Variants in CEP128 observed in about 807,000 individuals in gnomAD.
CEP128 encodes centrosomal protein 128kDa.
A neutral mutation model predicts 156.7 loss-of-function variants in CEP128; 132 were observed. The observed-to-expected ratio is 0.84, with a 90% CI of 0.73 to 0.97. CEP128 has a LOEUF of 0.97. Among genes scored for constraint, CEP128 ranks in the 50% least tolerant of loss-of-function variants. The probability of loss-of-function intolerance (pLI) is 0.00; values close to 1 mark genes in which losing one functional copy is unlikely to be tolerated. For missense variants in CEP128, 1,252 were observed against 1,281.9 expected (o/e 0.98, Z 0.36); for synonymous variants, 469 against 448.9 (o/e 1.04, Z -0.57).
intron 18 of CEP128, among the ~76,000 whole-genome samples, chr14:80,747,296 C>T (rs1899150812): frequency 6.6e-6 from 1 of 152,158 alleles, no homozygotes; most frequent in African/African-American, 2.4e-5. Flanking sequence ...TTACTCATAG[C>T]AGCATTATAA....
At chr14:80,663,116 C>T (rs1012298303) in intron 19 of CEP128, among the ~76,000 whole-genome samples, 5 of 152,146 alleles carry the variant, frequency 3.3e-5, no homozygotes, top group African/African-American at 7.2e-5. Context: ...TCACCATGCT[C>T]CTTGCAGTCT....
intron 13 of CEP128, among the ~76,000 whole-genome samples, chr14:80,798,304 A>G (rs1472564982): frequency 6.6e-6 from 1 of 152,214 alleles, no homozygotes; most frequent in Non-Finnish European, 1.5e-5. Context: ...TTACAGTCAT[A>G]ATTATGTTAA....
At chr14:80,501,145 A>C (rs1194341355) in intron 24 of CEP128, among the ~76,000 whole-genome samples, 1 of 152,172 alleles carries the variant, frequency 6.6e-6, no homozygotes, top group Non-Finnish European at 1.5e-5. Context: ...GCAGAATTGA[A>C]AAACATGAGT....
chr14:80,676,727 T>G (rs1001404704), intron 19 of CEP128, among the ~76,000 whole-genome samples: 1 of 152,188 alleles, frequency 6.6e-6, no homozygotes, highest in Admixed American at 6.5e-5. Context: ...ATTAAGATTT[T>G]TTGTAACACG....
chr14:80,498,592 A>G (rs1212909806), intron 24 of CEP128, among the ~76,000 whole-genome samples: 1 of 151,840 alleles, frequency 6.6e-6, no homozygotes, highest in Non-Finnish European at 1.5e-5. Flanking sequence ...TCCAATTTCA[A>G]CTCAGCTGCT....
At chr14:80,948,353 C>A (rs777126952) in intron 2 of CEP128, among the ~76,000 whole-genome samples, 3 of 152,224 alleles carry the variant, frequency 2.0e-5, no homozygotes, top group Non-Finnish European at 4.4e-5. Flanking sequence ...CCATGAAGTT[C>A]TTTTCAGCCA....
At chr14:80,730,684 C>T (rs1180104086) in intron 19 of CEP128, among the ~76,000 whole-genome samples, 2 of 152,254 alleles carry the variant, frequency 1.3e-5, no homozygotes, top group African/African-American at 2.4e-5. Context: ...ACTACAAAGA[C>T]TAATTTGTGC....
At chr14:80,805,198 T>C (rs549249036) in intron 13 of CEP128, among the ~76,000 whole-genome samples, 1 of 151,840 alleles carries the variant, frequency 6.6e-6, no homozygotes, top group African/African-American at 2.4e-5. Flanking sequence ...AATCTCTAGG[T>C]TTTGGGATAA....
chr14:80,553,676 A>C (rs190104930), intron 21 of CEP128, among the ~76,000 whole-genome samples: 12 of 152,174 alleles, frequency 7.9e-5, no homozygotes, highest in Admixed American at 2.0e-4. Context: ...TCTCTTATGT[A>C]CTTTGAATTT....
intron 4 of CEP128, among the ~76,000 whole-genome samples, chr14:80,907,711 G>A (rs1477726712): frequency 1.3e-5 from 2 of 149,312 alleles, no homozygotes; most frequent in East Asian, 2.0e-4. Context: ...CATACTATGA[G>A]GCCCAGGAAA....
chr14:80,716,538 G>A (rs1897612872), intron 19 of CEP128, among the ~76,000 whole-genome samples: 1 of 152,152 alleles, frequency 6.6e-6, no homozygotes, highest in African/African-American at 2.4e-5. Flanking sequence ...TCATATGCAT[G>A]AAGTTTTCAA....
chr14:80,682,581 A>G (rs1239620639), intron 19 of CEP128, among the ~76,000 whole-genome samples: 1 of 152,214 alleles, frequency 6.6e-6, no homozygotes, highest in Non-Finnish European at 1.5e-5. Context: ...TCACATACAG[A>G]AAACCTAGAG....
In CEP128 at chr14:80,770,491, C is replaced by G. The variant is rs374277656; in HGVS notation, c.2376+7391G>C. On this transcript the variant is annotated intron_variant, in intron 16 of 24. Transcript: ENST00000555265. ...TTACATTTCATAAATGGGAAGCACT[C>G]TGTTATTTCAGCCTATTCTCTGTAA... 3.3e-5 allele frequency among the ~76,000 whole-genome samples: 5 copies of G among 152,244 alleles called. No individual in the cohort carries two copies. In the East Asian group the frequency reaches 5.8e-4, roughly 18 times the overall value.
chr14:80,937,900 ATT>A (rs11453759), intron 2 of CEP128, among the ~76,000 whole-genome samples: 2 of 147,186 alleles, frequency 1.4e-5, no homozygotes, highest in African/African-American at 2.5e-5. Context: ...AATCCTAAGA[ATT>A]TTTTTTTTTT....
At chr14:80,849,741 G>A (rs1886793768) in intron 9 of CEP128, among the ~76,000 whole-genome samples, 1 of 151,908 alleles carries the variant, frequency 6.6e-6, no homozygotes, top group Non-Finnish European at 1.5e-5. Context: ...GAAAAAATAG[G>A]CAAAGGATAA....
At chr14:80,484,197 C>A (rs1038403451) in intron 14 of CEP128, among the ~76,000 whole-genome samples, 1 of 152,182 alleles carries the variant, frequency 6.6e-6, no homozygotes, top group African/African-American at 2.4e-5. Flanking sequence ...GGGCTGGTCT[C>A]AAACTCCTGA....
At chr14:80,587,811 T>C (rs1027111694) in intron 19 of CEP128, among the ~76,000 whole-genome samples, 1 of 152,168 alleles carries the variant, frequency 6.6e-6, no homozygotes, top group African/African-American at 2.4e-5. Flanking sequence ...ATTTCAAGAA[T>C]AAGTTTCATA....
intron 19 of CEP128, among the ~76,000 whole-genome samples, chr14:80,619,067 G>A (rs1002261465): frequency 3.3e-5 from 5 of 152,138 alleles, no homozygotes; most frequent in African/African-American, 1.2e-4. Context: ...AACACTGCCC[G>A]CATAGCATAT....
chr14:80,856,720 C>CTTTTTTTTTTTTTTTTTTT lies in CEP128; in HGVS notation c.762+6018_762+6036dup, dbSNP rs766724436. Among the ~76,000 whole-genome samples the CTTTTTTTTTTTTTTTTTTT allele has an allele frequency of 4.6e-5, 3 of 65,158 alleles. 1 individual carries two copies. The highest frequency in any genetic ancestry group is 6.3e-5 in the African/African-American group (1 of 15,756). The allele number at this position is 65,158 out of a possible 152,430, so 42.7% of individuals were successfully genotyped here. On this transcript the variant is annotated intron_variant, in intron 9 of 24. Coordinates refer to ENST00000555265, the MANE Select transcript of CEP128 (RefSeq NM_152446.5). The stretch of plus-strand genomic sequence containing the variant: ...AGCATTTATCTCATGTTTTTCTTTT[C>CTTTTTTTTTTTTTTTTTTT]TTTTTTTTTTTTTTTTTTTTTTTTT...
Sources: gnomAD v4.1 joint callset for allele counts (sites outside exome capture counted in the v4.1 genomes callset) on GRCh38, gnomAD v4.1.1 for gene constraint, MANE v1.5 for transcripts, NCBI Gene and HGNC (gene_info 2026-07-23, HGNC 2026-07-21) for gene names.